EPB41L4A: variants seen among roughly 807,000 people sequenced by gnomAD.
EPB41L4A encodes erythrocyte membrane protein band 4.1 like 4A.
In EPB41L4A, 100 loss-of-function variants were observed where a neutral mutation model predicts 108.6. The ratio of observed to expected loss-of-function variants is 0.92; its 90% CI spans 0.78 to 1.09. The LOEUF is 1.09. Among genes scored for constraint, EPB41L4A ranks in the 50% least tolerant of loss-of-function variants. The pLI, the probability that EPB41L4A is intolerant of heterozygous loss-of-function variation, is 0.00. For synonymous variants in EPB41L4A, 319 were observed against 289.0 expected (o/e 1.10, Z -1.05); for missense variants, 1,030 against 842.7 (o/e 1.22, Z -2.75).
chr5:112,204,714 G>C lies in EPB41L4A; in HGVS notation c.1263-226C>G, dbSNP rs375786123. 121 of 384,796 alleles carry C rather than the reference G, an allele frequency of 3.1e-4. 1 individual carries two copies. The highest frequency in any genetic ancestry group is 2.1e-3 in the African/African-American group (107 of 50,460). 23.8% of individuals were successfully genotyped at this position (384,796 alleles called of 1,614,324 possible). On this transcript the variant is annotated intron_variant, in intron 14 of 22. Coordinates refer to ENST00000261486, the MANE Select transcript of EPB41L4A (RefSeq NM_022140.5). ...TGCAGGAATGCCATTTGTCTCACTAGCCTTCAGTAGTAAAAAATGAACACA... is the reference window on the plus strand; with the variant it reads ...TGCAGGAATGCCATTTGTCTCACTACCCTTCAGTAGTAAAAAATGAACACA...
At chr5:112,171,020 T>G in intron 18 of EPB41L4A, 28 bp from the exon 19 acceptor site, 1 of 1,590,550 alleles carries the variant, frequency 6.3e-7, no homozygotes, top group Non-Finnish European at 8.6e-7. Flanking sequence ...AACATTCATC[T>G]CTGCAAACAT....
downstream of EPB41L4A, among the ~76,000 whole-genome samples, chr5:112,159,901 C>CTT (rs540095907): frequency 1.1e-4 from 14 of 130,360 alleles, no homozygotes; most frequent in Non-Finnish European, 1.3e-4. Context: ...TTTCTTTTTA[C>CTT]TTTTTTTTTT....
intron 4 of EPB41L4A, among the ~76,000 whole-genome samples, chr5:112,272,781 C>CA (rs35621227): frequency 0.24 from 21,615 of 90,416 alleles, 3,614 homozygotes; most frequent in African/African-American, 0.29. Context: ...AACTCCGTCT[C>CA]AAAAAAAAAA....
At chr5:112,251,771 G>A (rs1750690965) in intron 9 of EPB41L4A, among the ~76,000 whole-genome samples, 1 of 152,170 alleles carries the variant, frequency 6.6e-6, no homozygotes, top group African/African-American at 2.4e-5. Context: ...GTGAAGGAGA[G>A]GGAGCTATAA....
chr5:112,401,537 T>C (rs1035122819), intron 1 of EPB41L4A, among the ~76,000 whole-genome samples: 1 of 152,244 alleles, frequency 6.6e-6, no homozygotes, highest in African/African-American at 2.4e-5. Context: ...TAAATATGTA[T>C]ATGGATTGCA....
At chr5:112,356,294 T>G (rs1200900580) in intron 1 of EPB41L4A, among the ~76,000 whole-genome samples, 1 of 152,142 alleles carries the variant, frequency 6.6e-6, no homozygotes, top group Non-Finnish European at 1.5e-5. Context: ...ATGGGAGAAC[T>G]GTAGAGGTTA....
intron 1 of EPB41L4A, among the ~76,000 whole-genome samples, chr5:112,388,420 T>C (rs1760708691): frequency 1.3e-5 from 2 of 152,304 alleles, no homozygotes; most frequent in South Asian, 4.2e-4. Context: ...ACTCAGCTAA[T>C]GGAGGTTTTT....
intron 17 of EPB41L4A, among the ~76,000 whole-genome samples, chr5:112,193,500 C>T (rs1246848373): frequency 6.6e-6 from 1 of 152,146 alleles, no homozygotes; most frequent in African/African-American, 2.4e-5. Flanking sequence ...AGGGTTTCTC[C>T]ATGTTGGTCA....
At chr5:112,261,984 G>A (rs1751526514) in intron 7 of EPB41L4A, among the ~76,000 whole-genome samples, 2 of 150,628 alleles carry the variant, frequency 1.3e-5, no homozygotes, top group Admixed American at 6.6e-5. Flanking sequence ...TGCCTCCCAG[G>A]TGGTTCAAGC....
At chr5:112,394,727 T>C (rs111616070) in intron 1 of EPB41L4A, among the ~76,000 whole-genome samples, 2 of 152,190 alleles carry the variant, frequency 1.3e-5, no homozygotes, top group African/African-American at 2.4e-5. Context: ...CTTCACAGAA[T>C]TGGAAAAAAC....
intron 7 of EPB41L4A, among the ~76,000 whole-genome samples, chr5:112,260,397 C>G (rs921297177): frequency 1.3e-5 from 2 of 152,194 alleles, no homozygotes; most frequent in Non-Finnish European, 2.9e-5. Flanking sequence ...AGAAAAAACA[C>G]AGGACTCCCA....
intron 4 of EPB41L4A, among the ~76,000 whole-genome samples, chr5:112,272,096 G>C (rs1752297585): frequency 6.6e-6 from 1 of 150,784 alleles, no homozygotes. Context: ...TTAATAGTAT[G>C]ACCATATATA....
chr5:112,354,251 G>GCTAA (rs924760298), intron 1 of EPB41L4A, among the ~76,000 whole-genome samples: 8 of 152,192 alleles, frequency 5.3e-5, no homozygotes, highest in African/African-American at 1.9e-4. Context: ...TTGGAGAGTT[G>GCTAA]CTAAGGCTTA....
rs1359701082 is a variant in EPB41L4A, at chr5:112,275,322, A to G, written c.335+4T>C. Reference sequence around the variant, plus strand: ...TCTGTTCAAAAACAAAGTCAATACTATACCTGGTTATTTCTTCTTTAAGTT... The same window carrying G: ...TCTGTTCAAAAACAAAGTCAATACTGTACCTGGTTATTTCTTCTTTAAGTT... On this transcript the variant is annotated splice_donor_region_variant and intron_variant, in intron 4 of 22. Transcript: ENST00000261486. 7 of 1,546,298 alleles carry G rather than the reference A, an allele frequency of 4.5e-6. No individual in the cohort carries two copies. The highest frequency in any genetic ancestry group is 1.2e-5 in the South Asian group (1 of 84,072).
At chr5:112,387,527 G>C (rs899676976) in intron 1 of EPB41L4A, among the ~76,000 whole-genome samples, 2 of 152,244 alleles carry the variant, frequency 1.3e-5, no homozygotes, top group Non-Finnish European at 2.9e-5. Context: ...TACTTGGGAG[G>C]CTGAGGCAGG....
chr5:112,235,861 A>C (rs977837998), intron 11 of EPB41L4A, among the ~76,000 whole-genome samples: 8 of 152,194 alleles, frequency 5.3e-5, no homozygotes, highest in Admixed American at 2.0e-4. Context: ...CAGTTCATGG[A>C]AATTCGGGAG....
At chr5:112,232,696 A>C (rs1293522370) in intron 12 of EPB41L4A, among the ~76,000 whole-genome samples, 3 of 152,200 alleles carry the variant, frequency 2.0e-5, no homozygotes, top group Non-Finnish European at 2.9e-5. Context: ...ACAATGTTCC[A>C]ATGTTAATAT....
At chr5:112,396,857 A>T (rs1561641805) in intron 1 of EPB41L4A, among the ~76,000 whole-genome samples, 1 of 152,262 alleles carries the variant, frequency 6.6e-6, no homozygotes, top group Non-Finnish European at 1.5e-5. Context: ...AAGGAGAAGT[A>T]TCAAGAAATG....
chr5:112,146,174 A>T (rs1759248461), intron 12 of EPB41L4A, among the ~76,000 whole-genome samples: 1 of 152,162 alleles, frequency 6.6e-6, no homozygotes, highest in Non-Finnish European at 1.5e-5. Flanking sequence ...CCCCCTTTTT[A>T]GAAATGTCAA....
Sources: gnomAD v4.1 joint callset for allele counts (sites outside exome capture counted in the v4.1 genomes callset) on GRCh38, gnomAD v4.1.1 for gene constraint, MANE v1.5 for transcripts, NCBI Gene and HGNC (gene_info 2026-07-23, HGNC 2026-07-21) for gene names.